The following KCNIP4 variants were observed in gnomAD, a reference collection of about 807,000 sequenced individuals.
KCNIP4 encodes Kv channel-interacting protein 4.
Under a neutral mutation model 34.0 loss-of-function variants are expected in KCNIP4, and 12 were observed. That is an observed-to-expected ratio of 0.35 (90% CI 0.23 to 0.57). The LOEUF (loss-of-function observed/expected upper bound fraction) is 0.57. KCNIP4 is among the 20% of genes least tolerant of loss of function. KCNIP4 has a pLI of 0.83. For synonymous variants in KCNIP4, 124 were observed against 102.2 expected (o/e 1.21, Z -1.29); for missense variants, 238 against 311.7 (o/e 0.76, Z 1.78).
intron 5 of KCNIP4, among the ~76,000 whole-genome samples, chr4:20,746,766 T>G (rs181880626): frequency 6.6e-6 from 1 of 152,242 alleles, no homozygotes; most frequent in Admixed American, 6.5e-5. Flanking sequence ...TTAGATCCCA[T>G]CATACCAAAT....
intron 1 of KCNIP4, among the ~76,000 whole-genome samples, chr4:21,521,918 G>A (rs557967972): frequency 1.0e-4 from 15 of 150,522 alleles, no homozygotes; most frequent in Non-Finnish European, 1.9e-4. Context: ...GGAGAGCATT[G>A]TAATAAAAAA....
At chr4:21,221,923 T>G (rs1054383462) in intron 1 of KCNIP4, among the ~76,000 whole-genome samples, 1 of 152,190 alleles carries the variant, frequency 6.6e-6, no homozygotes, top group African/African-American at 2.4e-5. Context: ...CTGTTCTTTT[T>G]TATTCATGTA....
chr4:21,379,437 T>C (rs1721273591), intron 1 of KCNIP4, among the ~76,000 whole-genome samples: 1 of 152,202 alleles, frequency 6.6e-6, no homozygotes, highest in Non-Finnish European at 1.5e-5. Flanking sequence ...ATTATGCCAC[T>C]AACCTATTTG....
intron 4 of KCNIP4, among the ~76,000 whole-genome samples, chr4:20,753,211 A>T (rs1053051200): frequency 6.6e-6 from 1 of 152,202 alleles, no homozygotes; most frequent in African/African-American, 2.4e-5. Flanking sequence ...GTAGTGACAT[A>T]CTGAGGTCAC....
chr4:21,804,473 T>C (rs1721181365), intron 1 of KCNIP4, among the ~76,000 whole-genome samples: 1 of 152,200 alleles, frequency 6.6e-6, no homozygotes, highest in Non-Finnish European at 1.5e-5. Flanking sequence ...TCACTTTTTC[T>C]TTTTCCTCAC....
At chr4:21,488,111 A>G (rs546273160) in intron 1 of KCNIP4, among the ~76,000 whole-genome samples, 2 of 152,280 alleles carry the variant, frequency 1.3e-5, no homozygotes, top group Admixed American at 1.3e-4. Context: ...TAACCCATCT[A>G]TATGTATTTA....
At chr4:21,734,584 T>G (rs1715851001) in intron 1 of KCNIP4, among the ~76,000 whole-genome samples, 1 of 152,218 alleles carries the variant, frequency 6.6e-6, no homozygotes. Context: ...TGACCAATAC[T>G]GTGCTGTGTG....
At chr4:20,899,045 TAAAC>T (rs1322213221) in intron 1 of KCNIP4, among the ~76,000 whole-genome samples, 2 of 152,202 alleles carry the variant, frequency 1.3e-5, no homozygotes, top group African/African-American at 4.8e-5. Context: ...TCTTGGCAGT[TAAAC>T]AATAACATAA....
chr4:21,773,902 CTG>C (rs1719000464), intron 1 of KCNIP4, among the ~76,000 whole-genome samples: 1 of 151,864 alleles, frequency 6.6e-6, no homozygotes, highest in African/African-American at 2.4e-5. Context: ...ATTTGCCAGT[CTG>C]TGTGTTCTAA....
chr4:21,645,210 A>G (rs1458924849), intron 1 of KCNIP4, among the ~76,000 whole-genome samples: 2 of 152,150 alleles, frequency 1.3e-5, no homozygotes, highest in African/African-American at 4.8e-5. Flanking sequence ...AGACAACCAT[A>G]TGAGTTGTAC....
intron 1 of KCNIP4, among the ~76,000 whole-genome samples, chr4:20,886,027 A>G (rs988524464): frequency 6.6e-6 from 1 of 152,228 alleles, no homozygotes; most frequent in Non-Finnish European, 1.5e-5. Context: ...CATAGCAAGT[A>G]TAATTAAAAC....
intron 1 of KCNIP4, among the ~76,000 whole-genome samples, chr4:20,958,601 G>T (rs1337130891): frequency 5.9e-5 from 9 of 152,172 alleles, no homozygotes; most frequent in Admixed American, 5.9e-4. Context: ...GCTAAACTTA[G>T]AGAGAAACAG....
intron 1 of KCNIP4, among the ~76,000 whole-genome samples, chr4:21,711,707 T>G (rs1713744533): frequency 6.6e-6 from 1 of 152,210 alleles, no homozygotes; most frequent in African/African-American, 2.4e-5. Context: ...ATATTGTTTT[T>G]GCAGAAAAGT....
At chr4:21,915,743 T>C (rs1446651133) in intron 1 of KCNIP4, among the ~76,000 whole-genome samples, 1 of 152,198 alleles carries the variant, frequency 6.6e-6, no homozygotes, top group Non-Finnish European at 1.5e-5. Context: ...AGAGACCATC[T>C]CTTTCTACGA....
intron 1 of KCNIP4, among the ~76,000 whole-genome samples, chr4:21,491,864 A>G (rs562752213): frequency 6.6e-6 from 1 of 152,324 alleles, no homozygotes; most frequent in East Asian, 1.9e-4. Context: ...TAACAATGAA[A>G]AACCCAGGGG....
At chr4:21,706,420 A>G (rs1403700796) in intron 1 of KCNIP4, among the ~76,000 whole-genome samples, 3 of 152,172 alleles carry the variant, frequency 2.0e-5, no homozygotes, top group Admixed American at 6.6e-5. Context: ...TGATGATTCC[A>G]CAAGCAACTA....
chr4:20,921,773 A>G (rs1729409374), intron 1 of KCNIP4, among the ~76,000 whole-genome samples: 1 of 152,226 alleles, frequency 6.6e-6, no homozygotes, highest in Non-Finnish European at 1.5e-5. Flanking sequence ...AATAAAAGCA[A>G]TAATGAATAA....
rs552706781 is a variant in KCNIP4 at position 21,512,076 on chromosome 4, A to AGAAG, written c.61+436491_61+436494dup. On this transcript the variant is annotated intron_variant, in intron 1 of 8. Coordinates refer to ENST00000382152, the MANE Select transcript of KCNIP4 (RefSeq NM_025221.6). ...AAGAATGAAGGAAGGAAGGAAGGAA[A>AGAAG]GAAGGAAGGAAGGAGGGAGGGAGGG... 4.1e-4 allele frequency among the ~76,000 whole-genome samples: 52 copies of AGAAG among 127,814 alleles called. 1 individual carries two copies. In the South Asian group the frequency reaches 0.013, roughly 32 times the overall value. 83.9% of individuals were successfully genotyped at this position (127,814 alleles called of 152,430 possible). A position where few individuals can be genotyped will look rare whatever the true frequency, so the allele number is the denominator to read the frequency against.
intron 1 of KCNIP4, among the ~76,000 whole-genome samples, chr4:20,940,790 C>A (rs534312254): frequency 5.6e-4 from 85 of 152,174 alleles, no homozygotes; most frequent in Non-Finnish European, 1.1e-3. Flanking sequence ...CTACCTTTGT[C>A]CATGTTGTTC....
Sources: gnomAD v4.1 joint callset for allele counts (sites outside exome capture counted in the v4.1 genomes callset) on GRCh38, gnomAD v4.1.1 for gene constraint, MANE v1.5 for transcripts, NCBI Gene and HGNC (gene_info 2026-07-23, HGNC 2026-07-21) for gene names.